The following QTRT2 variants were observed in gnomAD, a reference collection of about 807,000 sequenced individuals.
QTRT2 encodes the protein queuine tRNA-ribosyltransferase accessory subunit 2.
Under a neutral mutation model 44.8 loss-of-function variants are expected in QTRT2, and 32 were observed. The observed-to-expected ratio is 0.71, with a 90% CI of 0.54 to 0.96. QTRT2 has a LOEUF of 0.96. Ranked by LOEUF, QTRT2 falls within the 40% of genes least tolerant of loss-of-function variation. The pLI is 0.00. For synonymous variants in QTRT2, 182 were observed against 187.4 expected, an observed-to-expected ratio of 0.97 and a Z score of 0.24; for missense variants, 461 against 503.1, an observed-to-expected ratio of 0.92 and a Z score of 0.80.
At chr3:114,064,707 T>C (rs1163636194) in intron 2 of QTRT2, among the ~76,000 whole-genome samples, 1 of 152,254 alleles carries the variant, frequency 6.6e-6, no homozygotes, top group African/African-American at 2.4e-5. Flanking sequence ...GAGATCTGTT[T>C]ATGTTTTGAC....
chr3:114,083,080 A>G (rs1243885992), intron 9 of QTRT2: 35 of 353,490 alleles, frequency 9.9e-5, no homozygotes, highest in Admixed American at 2.2e-4. Flanking sequence ...CCTTTAGAGC[A>G]TAATAAGGAG....
Position 114,057,096 on chromosome 3 carries a change from T to G in QTRT2, c.-32T>G, listed in dbSNP as rs1161174131. ...ATAAAAGGGCCCCTTTCGACTAGCC[T>G]CTGCTGAAAGGTAGAGTTTTCAGGA... On this transcript the variant is annotated 5_prime_UTR_variant, in exon 2 of 10. Transcript: ENST00000281273. 1 of 1,351,208 alleles carries G rather than the reference T, an allele frequency of 7.4e-7. No individual in the cohort carries two copies. The highest frequency in any genetic ancestry group is 9.5e-7 in the Non-Finnish European group (1 of 1,053,798). 83.7% of individuals were successfully genotyped at this position (1,351,208 alleles called of 1,614,324 possible).
At chr3:114,075,441 C>T (rs2077076465) in intron 6 of QTRT2, among the ~76,000 whole-genome samples, 1 of 151,052 alleles carries the variant, frequency 6.6e-6, no homozygotes, top group South Asian at 2.1e-4. Flanking sequence ...TTAAATATTC[C>T]TCCAAAGAGT....
At chr3:114,085,333 G>C (rs558643523) in intron 9 of QTRT2, among the ~76,000 whole-genome samples, 93 of 151,994 alleles carry the variant, frequency 6.1e-4, no homozygotes, top group African/African-American at 2.2e-3. Context: ...TCAGCCTCCC[G>C]AGTAGCTGGG....
At position 114,070,629 on chromosome 3, in the gene QTRT2, G is replaced by A. The variant is rs2077012360; in HGVS notation, c.337G>A (p.Val113Met). 1 of 1,613,768 alleles carries A rather than the reference G, an allele frequency of 6.2e-7. No homozygotes were observed. Among genetic ancestry groups the A allele is most frequent in the Admixed American group, 1.7e-5 (1 of 59,996 alleles). The change falls in exon 6 of 10, where the codon GTG (valine) becomes ATG (methionine). Residue 113 changes from valine (V) to methionine (M), a missense_variant. Physicochemically the swap from Val to Met is conservative, Grantham distance 21. Coordinates refer to ENST00000281273, the MANE Select transcript of QTRT2 (RefSeq NM_024638.4). ...CPAGYVTNKS[V>M]SVWSVAGRVE... ...TCATCATTTTGCTCCATGGCAGTCT[G>A]TGTCTGTGTGGAGTGTTGCAGGACG...
At position 114,066,107 on chromosome 3, in the gene QTRT2, A is replaced by G. The variant is rs2107789450; in HGVS notation, c.201-121A>G. The G allele has an allele frequency of 1.3e-5, 9 of 680,358 alleles. No individual in the cohort carries two copies. In the South Asian group the frequency reaches 1.8e-4, roughly 14 times the overall value. 42.1% of individuals were successfully genotyped at this position (680,358 alleles called of 1,614,324 possible). A position where few individuals can be genotyped will look rare whatever the true frequency, so the allele number is the denominator to read the frequency against. On this transcript the variant is annotated intron_variant, in intron 3 of 9. Coordinates refer to ENST00000281273, the MANE Select transcript of QTRT2 (RefSeq NM_024638.4). Reference sequence around the variant, plus strand: ...GTTAGAACTCTTGAATAATGGTGTAATTCAAGACAGCATTTACCATGATGT... The same window carrying G: ...GTTAGAACTCTTGAATAATGGTGTAGTTCAAGACAGCATTTACCATGATGT...
Position 114,070,691 on chromosome 3 carries a change from G to A in QTRT2, c.399G>A (p.Gln133=). 1 of 1,614,170 alleles carries A rather than the reference G, an allele frequency of 6.2e-7. No homozygotes were observed. Among genetic ancestry groups the A allele is most frequent in the Non-Finnish European group, 8.5e-7 (1 of 1,180,002 alleles). The change falls in exon 6 of 10, where the codon CAG becomes CAA. Residue 133 remains glutamine, a synonymous_variant. Coordinates refer to ENST00000281273, the MANE Select transcript of QTRT2 (RefSeq NM_024638.4). ...EMTVSKFMAI[Q]KALQPDWFQC... The stretch of plus-strand genomic sequence containing the variant: ...CTGTTTCCAAGTTCATGGCAATTCA[G>A]AAGGCCCTTCAGCCAGACTGGTTCC...
intron 6 of QTRT2, 73 bp downstream of exon 6, chr3:114,070,911 T>C: frequency 8.4e-7 from 1 of 1,194,882 alleles, no homozygotes; most frequent in East Asian, 2.4e-5. Flanking sequence ...TACCACCTTT[T>C]CTGTTCTTCC....
rs1296092599 is a variant in QTRT2 at position 114,085,680 on chromosome 3, G to A, written c.1024G>A (p.Glu342Lys). 6.2e-7 allele frequency: 1 copy of A among 1,613,536 alleles called. No individual in the cohort carries two copies. Among genetic ancestry groups the A allele is most frequent in the South Asian group, 1.1e-5 (1 of 91,068 alleles). ...CTGTGACTTCTTTCTTAGGTACCAGGAGGACTTTAACCCGCTGGTGAGAGG... is the reference window on the plus strand; with the variant it reads ...CTGTGACTTCTTTCTTAGGTACCAGAAGGACTTTAACCCGCTGGTGAGAGG... The part of the protein sequence containing the change: ...EINLKEKKYQ[E>K]DFNPLVRGCS... Residue 342 changes from glutamate to lysine, a missense_variant, in exon 10 of 10, where the codon GAG becomes AAG. Transcript: ENST00000281273.
chr3:114,072,149 T>G lies in QTRT2; in HGVS notation c.546+1311T>G, dbSNP rs72960749. ...CATTTCATTCCATGTATCATTCATT[T>G]TTTTTTTCTTTTCTTTTGAGACAGT... On this transcript the variant is annotated intron_variant, in intron 6 of 9. Coordinates refer to ENST00000281273, the MANE Select transcript of QTRT2 (RefSeq NM_024638.4). 5.0e-3 allele frequency among the ~76,000 whole-genome samples: 769 copies of G among 152,314 alleles called. 4 individuals are homozygous for G. Among genetic ancestry groups the G allele is most frequent in the African/African-American group, 0.018 (743 of 41,558 alleles).
At chr3:114,057,265 GAC>G (rs2076810026) in intron 2 of QTRT2, 159 bp downstream of exon 2, 1 of 194,252 alleles carries the variant, frequency 5.1e-6, no homozygotes, top group African/African-American at 2.3e-5. Flanking sequence ...TGTTTCCAGA[GAC>G]AGCCCATTTA....
intron 4 of QTRT2, 51 bp from the exon 5 acceptor site, chr3:114,067,936 T>G (rs1252161705): frequency 6.6e-7 from 1 of 1,504,698 alleles, no homozygotes; most frequent in Non-Finnish European, 9.3e-7. Flanking sequence ...TATAATACAG[T>G]GTCATTGTTG....
intron 8 of QTRT2, 113 bp downstream of exon 8, chr3:114,080,170 C>A: frequency 1.2e-6 from 1 of 813,482 alleles, no homozygotes; most frequent in Non-Finnish European, 1.9e-6. Flanking sequence ...TTTTACAAAA[C>A]TACATCTCTG....
At chr3:114,070,539 G>A (rs374307099) in intron 5 of QTRT2, 87 bp from the exon 6 acceptor site, 2 of 1,165,272 alleles carry the variant, frequency 1.7e-6, no homozygotes, top group African/African-American at 3.1e-5. Context: ...CAGTTGTAAA[G>A]AAGAATTATT....
At chr3:114,069,513 G>C (rs984596705) in intron 5 of QTRT2, among the ~76,000 whole-genome samples, 2 of 152,074 alleles carry the variant, frequency 1.3e-5, no homozygotes, top group Non-Finnish European at 2.9e-5. Context: ...TTCTGTTCCT[G>C]CATTTGTTTG....
intron 5 of QTRT2, 40 bp downstream of exon 5, chr3:114,068,103 C>A (rs775241607): frequency 1.3e-6 from 2 of 1,548,234 alleles, no homozygotes; most frequent in South Asian, 2.2e-5. Flanking sequence ...CAGCTTTGTC[C>A]CAGGAAGTCA....
At chr3:114,069,137 C>A (rs1440033737) in intron 5 of QTRT2, among the ~76,000 whole-genome samples, 1 of 152,044 alleles carries the variant, frequency 6.6e-6, no homozygotes, top group African/African-American at 2.4e-5. Context: ...AATTCTGATG[C>A]CTTAGTATAA....
At chr3:114,059,911 G>A (rs891406413) in intron 2 of QTRT2, among the ~76,000 whole-genome samples, 53 of 152,196 alleles carry the variant, frequency 3.5e-4, no homozygotes, top group African/African-American at 1.3e-3. Flanking sequence ...TCTCCAGCTG[G>A]CTGAGTGGGT....
chr3:114,060,571 A>G (rs1252569812), intron 2 of QTRT2, among the ~76,000 whole-genome samples: 1 of 152,170 alleles, frequency 6.6e-6, no homozygotes, highest in African/African-American at 2.4e-5. Context: ...GATAGATTAG[A>G]TAGATCCAAA....
Sources: gnomAD v4.1 joint callset for allele counts (sites outside exome capture counted in the v4.1 genomes callset) on GRCh38, gnomAD v4.1.1 for gene constraint, MANE v1.5 for transcripts, NCBI Gene and HGNC (gene_info 2026-07-23, HGNC 2026-07-21) for gene names.